GASK1B: variants seen among roughly 807,000 people sequenced by gnomAD.
The protein encoded by GASK1B is golgi associated kinase 1B.
GASK1B carries 34 observed loss-of-function variants against 42.8 expected under a neutral mutation model. That is an observed-to-expected ratio of 0.79 (90% CI 0.60 to 1.06). The LOEUF (loss-of-function observed/expected upper bound fraction) is 1.06, where lower values mean the gene tolerates loss of function less well. Among genes scored for constraint, GASK1B ranks in the 50% least tolerant of loss-of-function variants. The pLI, the probability that GASK1B is intolerant of heterozygous loss-of-function variation, is 0.00. For missense variants in GASK1B, 686 were observed against 661.0 expected (o/e 1.04, Z -0.42); for synonymous variants, 262 against 259.1 (o/e 1.01, Z -0.11).
At chr4:158,161,507 C>T (rs574622122) in intron 2 of GASK1B, among the ~76,000 whole-genome samples, 7 of 152,324 alleles carry the variant, frequency 4.6e-5, no homozygotes, top group African/African-American at 1.7e-4. Flanking sequence ...TCATCACCAA[C>T]TACCTAAACA....
chr4:158,170,563 G>C lies in GASK1B; in HGVS notation c.813C>G (p.Pro271=), dbSNP rs1732446075. ...AGGCAAACACCTCACTCATGTCCAA[G>C]GGCTGCTTGAGAAGCCCACAGGGGC... ...GPSPCGLLKQ[P]LDMSEVFAFH... is the part of the protein sequence containing the mutation. The change falls in exon 2 of 5, where the codon CCC becomes CCG. Residue 271 remains proline, a synonymous_variant. Coordinates refer to ENST00000585682, the MANE Select transcript of GASK1B (RefSeq NM_001128424.2). 1 of 1,614,188 alleles carries C rather than the reference G, an allele frequency of 6.2e-7. No homozygotes were observed. Among genetic ancestry groups the C allele is most frequent in the Non-Finnish European group, 8.5e-7 (1 of 1,180,044 alleles).
In GASK1B at chr4:158,170,959, G is replaced by A. The variant is rs201948963; in HGVS notation, c.417C>T (p.Ala139=). The change falls in exon 2 of 5, where the codon GCC becomes GCT. Residue 139 remains alanine, a synonymous_variant. Transcript: ENST00000585682. ...RRKKHAVASA[A]PGQEALVGPS... ...GTCCGACCAAAGCCTCCTGCCCTGG[G>A]GCAGCCGATGCCACTGCATGCTTTT... The A allele has an allele frequency of 3.0e-5, 48 of 1,614,202 alleles. No individual in the cohort carries two copies. The highest frequency in any genetic ancestry group is 4.1e-5 in the Non-Finnish European group (48 of 1,180,046).
chr4:158,138,005 G>A (rs1730970127), intron 3 of GASK1B, among the ~76,000 whole-genome samples: 3 of 152,116 alleles, frequency 2.0e-5, no homozygotes, highest in Non-Finnish European at 2.9e-5. Flanking sequence ...AAAAATAAAT[G>A]TCAGTGTATA....
In GASK1B at chr4:158,155,611, C is replaced by A; in HGVS notation, c.1125G>T (p.Gln375His). 1 of 1,612,488 alleles carries A rather than the reference C, an allele frequency of 6.2e-7. No individual in the cohort carries two copies. Among genetic ancestry groups the A allele is most frequent in the South Asian group, 1.1e-5 (1 of 90,994 alleles). The part of the protein sequence containing the change: ...SKMALFDFLL[Q>H]IYNRLDTNCC... Reference sequence around the variant, plus strand: ...TATTTGCTTGATTTGATAAACTTACCTGTAACAAAAAATCAAAGAGTGCCA... The same window carrying A: ...TATTTGCTTGATTTGATAAACTTACATGTAACAAAAAATCAAAGAGTGCCA... The change falls in exon 3 of 5, where the codon CAG becomes CAT. Residue 375 changes from glutamine to histidine, a missense_variant and splice_region_variant. Physicochemically the swap from Gln to His is conservative, Grantham distance 24. Transcript: ENST00000585682.
chr4:158,128,443 A>G (rs1436682881), intron 4 of GASK1B, among the ~76,000 whole-genome samples: 1 of 152,214 alleles, frequency 6.6e-6, no homozygotes, highest in East Asian at 1.9e-4. Context: ...AAATTTCTAG[A>G]TCAAAAACAT....
At chr4:158,161,751 C>T (rs1326138207) in intron 2 of GASK1B, among the ~76,000 whole-genome samples, 2 of 152,184 alleles carry the variant, frequency 1.3e-5, no homozygotes, top group Non-Finnish European at 2.9e-5. Context: ...CAGATGAAAT[C>T]TTGGTCACAT....
intron 2 of GASK1B, among the ~76,000 whole-genome samples, chr4:158,168,067 C>T (rs893076650): frequency 7.9e-5 from 12 of 152,140 alleles, no homozygotes; most frequent in African/African-American, 2.9e-4. Flanking sequence ...TATATGAAAT[C>T]ATTTCATGAG....
intron 3 of GASK1B, among the ~76,000 whole-genome samples, chr4:158,143,549 T>C (rs1277410942): frequency 6.6e-6 from 1 of 152,108 alleles, no homozygotes; most frequent in African/African-American, 2.4e-5. Flanking sequence ...CTGACTGAGG[T>C]AACATTAATA....
intron 2 of GASK1B, among the ~76,000 whole-genome samples, chr4:158,164,778 CTG>C (rs1424249518): frequency 6.6e-6 from 1 of 152,166 alleles, no homozygotes; most frequent in Non-Finnish European, 1.5e-5. Context: ...ACCTGAAAGC[CTG>C]AAACAATATA....
chr4:158,166,666 A>G (rs946134497), intron 2 of GASK1B, among the ~76,000 whole-genome samples: 1 of 152,156 alleles, frequency 6.6e-6, no homozygotes, highest in Admixed American at 6.5e-5. Context: ...CCTGGTATAT[A>G]TATCTAGGAA....
intron 4 of GASK1B, among the ~76,000 whole-genome samples, chr4:158,129,510 T>C (rs936263957): frequency 6.6e-6 from 1 of 152,194 alleles, no homozygotes; most frequent in Non-Finnish European, 1.5e-5. Flanking sequence ...ACAGTATTGC[T>C]CTTAATGCTA....
At chr4:158,164,375 A>G (rs1732145728) in intron 2 of GASK1B, among the ~76,000 whole-genome samples, 1 of 152,228 alleles carries the variant, frequency 6.6e-6, no homozygotes. Context: ...GTGTGGGACC[A>G]AGGACAAATT....
chr4:158,133,916 T>TGCGCGC (rs1553958083), intron 3 of GASK1B, among the ~76,000 whole-genome samples: 1 of 149,662 alleles, frequency 6.7e-6, no homozygotes, highest in African/African-American at 2.5e-5. Context: ...TGTGTGTGTG[T>TGCGCGC]GCGCGTGCAC....
chr4:158,171,013 G>C lies in GASK1B; in HGVS notation c.363C>G (p.Ile121Met), dbSNP rs1560797428. The C allele has an allele frequency of 6.2e-7, 1 of 1,614,076 alleles. No homozygotes were observed. ...LRSKRSKPAN[I>M]RGTVKPKRRK... is the part of the protein sequence containing the mutation. ...TGCGCTTGGGCTTCACGGTGCCACG[G>C]ATATTGGCCGGCTTGCTGCGCTTGG... Residue 121 changes from isoleucine (I) to methionine (M), a missense_variant, in exon 2 of 5, where the codon ATC (isoleucine) becomes ATG (methionine). Transcript: ENST00000585682.
chr4:158,167,933 G>A (rs1732290105), intron 2 of GASK1B, among the ~76,000 whole-genome samples: 1 of 152,124 alleles, frequency 6.6e-6, no homozygotes, highest in South Asian at 2.1e-4. Flanking sequence ...GAAATAGGTG[G>A]ATGGGTAGAG....
intron 3 of GASK1B, among the ~76,000 whole-genome samples, chr4:158,142,013 C>T (rs1731152795): frequency 7.3e-6 from 1 of 136,130 alleles, no homozygotes. Flanking sequence ...GGCGCAATCT[C>T]GGCTCACTGC....
chr4:158,130,688 G>A (rs564526461), intron 4 of GASK1B, 98 bp downstream of exon 4: 2 of 899,216 alleles, frequency 2.2e-6, no homozygotes, highest in African/African-American at 3.4e-5. Context: ...TTATTTTCAA[G>A]GGTTAAAATG....
At chr4:158,157,681 A>T (rs1359856223) in intron 2 of GASK1B, among the ~76,000 whole-genome samples, 1 of 152,084 alleles carries the variant, frequency 6.6e-6, no homozygotes, top group Non-Finnish European at 1.5e-5. Context: ...GGGAGTTGAA[A>T]CCTAACAGTG....
chr4:158,131,054 C>CA, intron 3 of GASK1B, 42 bp from the exon 4 acceptor site: 1 of 1,534,700 alleles, frequency 6.5e-7, no homozygotes. Context: ...TGAGTGAAAA[C>CA]AAAACTTGGG....
Sources: gnomAD v4.1 joint callset for allele counts (sites outside exome capture counted in the v4.1 genomes callset) on GRCh38, gnomAD v4.1.1 for gene constraint, MANE v1.5 for transcripts, NCBI Gene and HGNC (gene_info 2026-07-23, HGNC 2026-07-21) for gene names.